The following NUP214 variants were observed in gnomAD, a reference collection of about 807,000 sequenced individuals.
The protein encoded by NUP214 is nucleoporin 214, also known as nuclear pore complex protein Nup214.
In NUP214, 79 loss-of-function variants were observed where a neutral mutation model predicts 196.2. The observed-to-expected ratio is 0.40, with a 90% confidence interval of 0.34 to 0.49. The LOEUF (loss-of-function observed/expected upper bound fraction) is 0.49. Ranked by LOEUF, NUP214 falls within the 20% of genes least tolerant of loss-of-function variation. The probability of loss-of-function intolerance (pLI) is 0.58; values close to 1 mark genes in which losing one functional copy is unlikely to be tolerated. For missense variants in NUP214, 2,468 were observed against 2,539.0 expected (o/e 0.97, Z 0.60); for synonymous variants, 1,020 against 990.5 (o/e 1.03, Z -0.56).
chr9:131,150,720 A>T lies in NUP214; in HGVS notation c.2232A>T (p.Ser744=). 6.2e-7 allele frequency: 1 copy of T among 1,614,180 alleles called. No individual in the cohort carries two copies. The highest frequency in any genetic ancestry group is 8.5e-7 in the Non-Finnish European group (1 of 1,180,014). ...SEEMKMLRTE[S]DDLHTFLLEI... is the part of the protein sequence containing the mutation. ...AGATGAAGATGCTGCGAACAGAATC[A>T]GATGACTTGCATACCTTTCTTTTGG... The change falls in exon 16 of 36, where the codon TCA becomes TCT. Residue 744 remains serine, a synonymous_variant. Coordinates refer to ENST00000359428, the MANE Select transcript of NUP214 (RefSeq NM_005085.4).
intron 30 of NUP214, among the ~76,000 whole-genome samples, chr9:131,213,279 G>A (rs1014804560): frequency 1.3e-5 from 2 of 151,590 alleles, no homozygotes; most frequent in Admixed American, 6.6e-5. Flanking sequence ...GGGTTCAAGC[G>A]ATTCTCCTGC....
intron 14 of NUP214, among the ~76,000 whole-genome samples, chr9:131,148,314 CGTT>C (rs1423556458): frequency 6.6e-6 from 1 of 152,138 alleles, no homozygotes; most frequent in Admixed American, 6.5e-5. Context: ...TTATCCATGT[CGTT>C]GTATGGAATT....
Position 131,228,153 on chromosome 9 carries a change from T to C in NUP214, c.5903-7T>C. The stretch of plus-strand genomic sequence containing the variant: ...TATTTCTGTTTGTTTGCCTCTGTTT[T>C]GCTCAGGTGGCTTCGGTGCTGCTCC... On this transcript the variant is annotated splice_polypyrimidine_tract_variant and splice_region_variant and intron_variant, in intron 32 of 35. Transcript: ENST00000359428. 1 of 1,567,838 alleles carries C rather than the reference T, an allele frequency of 6.4e-7. No homozygotes were observed. The highest frequency in any genetic ancestry group is 8.6e-7 in the Non-Finnish European group (1 of 1,161,330).
chr9:131,176,787 G>A (rs1035572935), intron 23 of NUP214, among the ~76,000 whole-genome samples: 6 of 152,130 alleles, frequency 3.9e-5, no homozygotes, highest in African/African-American at 7.2e-5. Context: ...TACAGTCTGC[G>A]TAGTTGGTCT....
chr9:131,231,791 C>T (rs2131113715), intron 34 of NUP214, among the ~76,000 whole-genome samples: 1 of 150,654 alleles, frequency 6.6e-6, no homozygotes, highest in Middle Eastern at 3.5e-3. Flanking sequence ...CGTGAAGAAA[C>T]AGAAACTCCA....
At chr9:131,139,239 T>C in intron 9 of NUP214, 42 bp from the exon 10 acceptor site, 2 of 1,461,522 alleles carry the variant, frequency 1.4e-6, no homozygotes, top group Non-Finnish European at 1.8e-6. Flanking sequence ...GCTTTTTCTT[T>C]TTTCTTCTTC....
chr9:131,144,345 G>T lies in NUP214; in HGVS notation c.1360G>T (p.Ala454Ser). The T allele has an allele frequency of 2.5e-6, 4 of 1,614,096 alleles. No individual in the cohort carries two copies. In the South Asian group the frequency reaches 4.4e-5, roughly 18 times the overall value. ...PQKLDASAAA[A>S]PASLPPSSPA... ...GAAACTGGATGCTTCTGCAGCTGCA[G>T]CCCCTGCCTCTCTGCCACCTTCATC... Residue 454 changes from alanine (A) to serine (S), a missense_variant, in exon 12 of 36, where the codon GCC (alanine) becomes TCC (serine). Transcript: ENST00000359428.
In NUP214 at chr9:131,169,034, G is replaced by GTTT. The variant is rs58054099; in HGVS notation, c.2893+4904_2893+4906dup. 1.2e-3 allele frequency among the ~76,000 whole-genome samples: 143 copies of GTTT among 124,092 alleles called. 1 individual carries two copies. The highest frequency in any genetic ancestry group is 2.7e-3 in the African/African-American group (88 of 32,548). The allele number at this position is 124,092 out of a possible 152,430, so 81.4% of individuals were successfully genotyped here. A position where few individuals can be genotyped will look rare whatever the true frequency, so the allele number is the denominator to read the frequency against. On this transcript the variant is annotated intron_variant, in intron 21 of 35. Transcript: ENST00000359428. The stretch of plus-strand genomic sequence containing the variant: ...TATTCTGCTTACTTTGTTTTTTTTT[G>GTTT]TTTTTTTTTTTTTTTTGGAGACAGA...
At chr9:131,126,227 A>C (rs1831344930) in intron 1 of NUP214, 1 of 165,158 alleles carries the variant, frequency 6.1e-6, no homozygotes, top group Non-Finnish European at 1.3e-5. Context: ...AGAGTCAGGG[A>C]AGGTCATCCA....
chr9:131,148,915 T>C (rs1832165999), intron 14 of NUP214, among the ~76,000 whole-genome samples: 1 of 152,212 alleles, frequency 6.6e-6, no homozygotes, highest in Non-Finnish European at 1.5e-5. Flanking sequence ...GTTTTTTCTT[T>C]TATGATTAAT....
rs918223369 is a variant in NUP214 at position 131,144,417 on chromosome 9, G to A, written c.1432G>A (p.Ala478Thr). The change falls in exon 12 of 36, where the codon GCC (alanine) becomes ACC (threonine). Residue 478 changes from alanine to threonine, a missense_variant. Around this residue, in one of 5 missense-constraint regions of NUP214, gnomAD observed 1,801 missense variants for 1,779.4 expected, o/e 1.01. Transcript: ENST00000359428. Reference sequence around the variant, plus strand: ...TTTTTCTTTGCTTCCTGCTGGTGGAGCCCCCACTGTGTTCTCCTTTGGTTC... The same window carrying A: ...TTTTTCTTTGCTTCCTGCTGGTGGAACCCCCACTGTGTTCTCCTTTGGTTC... The part of the protein sequence containing the change: ...ATFSLLPAGG[A>T]PTVFSFGSSS... 23 of 1,613,954 alleles carry A rather than the reference G, an allele frequency of 1.4e-5. No individual in the cohort carries two copies. The African/African-American group carries it at 2.8e-4, about 20-fold the overall frequency.
chr9:131,150,615 G>C lies in NUP214; in HGVS notation c.2128-1G>C. On this transcript the variant is annotated splice_acceptor_variant, in intron 15 of 35. Coordinates refer to ENST00000359428, the MANE Select transcript of NUP214 (RefSeq NM_005085.4). LOFTEE classifies it high-confidence loss of function. ...TAGTTCCTCACTTGTGGCTTCTACA[G>C]ATTGCACACTTTCAGAAGGAGTTGG... The C allele has an allele frequency of 6.2e-7, 1 of 1,611,122 alleles. No homozygotes were observed. The highest frequency in any genetic ancestry group is 1.7e-5 in the Admixed American group (1 of 59,172).
intron 33 of NUP214, chr9:131,229,460 T>G (rs990295301): frequency 2.7e-5 from 9 of 331,482 alleles, no homozygotes; most frequent in Non-Finnish European, 5.3e-5. Context: ...TACCACAGAG[T>G]TGGTAGAAGG....
intron 14 of NUP214, among the ~76,000 whole-genome samples, chr9:131,149,670 C>T (rs1588132943): frequency 6.6e-6 from 1 of 152,070 alleles, no homozygotes; most frequent in Non-Finnish European, 1.5e-5. Context: ...TCTTTTAAAT[C>T]ATAAAGGAGA....
intron 30 of NUP214, among the ~76,000 whole-genome samples, chr9:131,213,952 A>C (rs1356637698): frequency 6.6e-6 from 1 of 152,226 alleles, no homozygotes; most frequent in African/African-American, 2.4e-5. Flanking sequence ...GAAAAGGGAC[A>C]GATCATGTTG....
chr9:131,127,731 G>C lies in NUP214; in HGVS notation c.241+12G>C. 6.3e-7 allele frequency: 1 copy of C among 1,598,676 alleles called. No individual in the cohort carries two copies. The highest frequency in any genetic ancestry group is 8.6e-7 in the Non-Finnish European group (1 of 1,167,162). On this transcript the variant is annotated intron_variant, in intron 2 of 35. Transcript: ENST00000359428. ...TCCCAACAAAATAGGTAAGTTCCCT[G>C]GTTTATGTTGCAAAGTAGAGAGAGG... is the stretch of plus-strand genomic sequence containing the variant.
At position 131,163,966 on chromosome 9, in the gene NUP214, C is replaced by G; in HGVS notation, c.2809+11C>G. 6.2e-7 allele frequency: 1 copy of G among 1,613,464 alleles called. No individual in the cohort carries two copies. Among genetic ancestry groups the G allele is most frequent in the South Asian group, 1.1e-5 (1 of 91,062 alleles). On this transcript the variant is annotated intron_variant, in intron 20 of 35. Transcript: ENST00000359428. ...TGCCCAAAGTACCAGGTAATTGCAT[C>G]CTTCCCAGTCTTTTAACTCCCTTTA...
chr9:131,192,626 G>T, intron 27 of NUP214: 1 of 188,586 alleles, frequency 5.3e-6, no homozygotes, highest in Non-Finnish European at 1.1e-5. Context: ...ACCATTTTGG[G>T]GGCTAGATGT....
intron 31 of NUP214, among the ~76,000 whole-genome samples, chr9:131,221,208 A>G (rs747800314): frequency 2.2e-4 from 33 of 152,322 alleles, no homozygotes; most frequent in Admixed American, 7.2e-4. Context: ...CAAGGGATAC[A>G]TTATCCTGTG....
Sources: gnomAD v4.1 joint callset for allele counts (sites outside exome capture counted in the v4.1 genomes callset) on GRCh38, gnomAD v4.1.1 for gene constraint, gnomAD v4.1.1 regional missense constraint, MANE v1.5 for transcripts, NCBI Gene and HGNC (gene_info 2026-07-23, HGNC 2026-07-21) for gene names.